The following NTN5 variants were observed in gnomAD, a reference collection of about 807,000 sequenced individuals.
NTN5 encodes netrin-5.
Under a neutral mutation model 38.7 loss-of-function variants are expected in NTN5, and 42 were observed. The ratio of observed to expected loss-of-function variants is 1.08; its 90% CI spans 0.85 to 1.40. The LOEUF is 1.40. Among genes scored for constraint, NTN5 ranks in the 40% most tolerant of loss-of-function variants. The pLI is 0.00. For synonymous variants in NTN5, 329 were observed against 303.9 expected (o/e 1.08, Z -0.86); for missense variants, 658 against 716.5 (o/e 0.92, Z 0.93).
intron 2 of NTN5, among the ~76,000 whole-genome samples, 153 bp from the exon 3 acceptor site, chr19:48,664,920 CT>C (rs1568450089): frequency 6.6e-6 from 1 of 150,560 alleles, no homozygotes; most frequent in African/African-American, 2.4e-5. Context: ...CTATTATTAT[CT>C]TTTTTTTTTG....
rs1282399154 is a variant in NTN5 at position 48,670,772 on chromosome 19, G to A, written c.215C>T (p.Pro72Leu). 2 of 1,612,964 alleles carry A rather than the reference G, an allele frequency of 1.2e-6. No homozygotes were observed. The highest frequency in any genetic ancestry group is 1.7e-6 in the Non-Finnish European group (2 of 1,179,934). Residue 72 changes from proline to leucine, a missense_variant, in exon 2 of 7, where the codon CCC (proline) becomes CTC (leucine). Transcript: ENST00000270235. ...CAAGCTGACAGATGTCAGGAGGAAG[G>A]GGCCACCCAGGGCCAAAGTCAGGCT... ...NGSLTLALGG[P>L]FLLTSVSLRF...
chr19:48,669,733 T>TCACCATCACCAC (rs2031869425), intron 2 of NTN5, among the ~76,000 whole-genome samples: 3 of 47,646 alleles, frequency 6.3e-5, no homozygotes, highest in Non-Finnish European at 1.1e-4. Flanking sequence ...ACCACCACCA[T>TCACCATCACCAC]CACCATCACC....
Position 48,669,832 on chromosome 19 carries a change from CACCATCACCACCACT to C in NTN5, c.631+509_631+523del, listed in dbSNP as rs1355173106. 5.4e-4 allele frequency among the ~76,000 whole-genome samples: 67 copies of C among 123,504 alleles called. 1 individual carries two copies. Among genetic ancestry groups the C allele is most frequent in the African/African-American group, 1.7e-3 (56 of 33,004 alleles). 81.0% of individuals were successfully genotyped at this position (123,504 alleles called of 152,430 possible). A position where few individuals can be genotyped will look rare whatever the true frequency, so the allele number is the denominator to read the frequency against. ...TCATCACCATCACCACCACCACCATCACCATCACCACCACTACCATCACCACCACCATCACCATCA... is the reference window on the plus strand; with the variant it reads ...TCATCACCATCACCACCACCACCATCACCATCACCACCACCATCACCATCA... On this transcript the variant is annotated intron_variant, in intron 2 of 6. Transcript: ENST00000270235.
intron 5 of NTN5, 101 bp downstream of exon 5, chr19:48,663,660 C>T: frequency 6.6e-7 from 1 of 1,512,120 alleles, no homozygotes; most frequent in Non-Finnish European, 9.2e-7. Flanking sequence ...ACCTTTGGGA[C>T]TGGGCTCAAT....
At position 48,670,490 on chromosome 19, in the gene NTN5, C is replaced by A; in HGVS notation, c.497G>T (p.Cys166Phe). ...RCQCHGHAARCAARARPPRCH... is the reference protein window; with the variant it reads ...RCQCHGHAARFAARARPPRCH... ...GCGGGGGGGCCGGGCACGGGCGGCA[C>A]AGCGGGCAGCGTGGCCATGACACTG... is the stretch of plus-strand genomic sequence containing the variant. Residue 166 changes from cysteine to phenylalanine, a missense_variant, in exon 2 of 7, where the codon TGT becomes TTT. Transcript: ENST00000270235. The A allele has an allele frequency of 6.8e-7, 1 of 1,478,386 alleles. No individual in the cohort carries two copies. The highest frequency in any genetic ancestry group is 9.0e-7 in the Non-Finnish European group (1 of 1,114,060). 91.6% of individuals were successfully genotyped at this position (1,478,386 alleles called of 1,614,324 possible). A position where few individuals can be genotyped will look rare whatever the true frequency, so the allele number is the denominator to read the frequency against.
chr19:48,669,861 CCATCACCAT>C (rs2031886854), intron 2 of NTN5, among the ~76,000 whole-genome samples: 1 of 118,292 alleles, frequency 8.5e-6, no homozygotes, highest in Admixed American at 8.1e-5. Context: ...ATCACCACCA[CCATCACCAT>C]CATCACCACT....
chr19:48,663,485 C>T lies in NTN5; in HGVS notation c.1083G>A (p.Arg361=), dbSNP rs2031603421. ...MSDTRVHMSL[R]RYCQQDHVLR... The stretch of plus-strand genomic sequence containing the variant: ...CACCATGGTCCTGCTGGCAGTACCT[C>T]CGAAGGCTCATGTGTACCCTGGTGT... The change falls in exon 6 of 7, where the codon CGG becomes CGA. Residue 361 remains arginine, a synonymous_variant. Transcript: ENST00000270235. 6.2e-7 allele frequency: 1 copy of T among 1,614,172 alleles called. No homozygotes were observed. The highest frequency in any genetic ancestry group is 8.5e-7 in the Non-Finnish European group (1 of 1,180,002).
rs1393029224 is a variant in NTN5, at chr19:48,671,715, G to C, written c.-20-709C>G. On this transcript the variant is annotated intron_variant, in intron 1 of 6. Transcript: ENST00000270235. ...GAGAGACCGAGGCCCAGGCCTGCAG[G>C]GATCAGAGCCATTGCCTTTCCCACA... Among the ~76,000 whole-genome samples, 4 of 152,194 alleles carry C rather than the reference G, an allele frequency of 2.6e-5. No individual in the cohort carries two copies. The East Asian group carries it at 5.8e-4, about 22-fold the overall frequency.
chr19:48,667,948 G>A (rs1436826746), intron 2 of NTN5, among the ~76,000 whole-genome samples: 2 of 152,232 alleles, frequency 1.3e-5, no homozygotes, highest in South Asian at 4.1e-4. Context: ...GTGTGTATAT[G>A]TCTGTGTCTG....
In NTN5 at chr19:48,669,136, TATCACCATCATCACCACC is replaced by T. The variant is rs776145530; in HGVS notation, c.631+1202_631+1219del. 2.4e-3 allele frequency among the ~76,000 whole-genome samples: 107 copies of T among 44,368 alleles called. 3 individuals carry two copies. The highest frequency in any genetic ancestry group is 3.1e-3 in the Non-Finnish European group (71 of 22,704). 29.1% of individuals were successfully genotyped at this position (44,368 alleles called of 152,430 possible). A position where few individuals can be genotyped will look rare whatever the true frequency, so the allele number is the denominator to read the frequency against. ...ATCATCACCACCACCACCATCATCA[TATCACCATCATCACCACC>T]ATCACCACCACCACCATCACCACCA... On this transcript the variant is annotated intron_variant, in intron 2 of 6. Coordinates refer to ENST00000270235, the MANE Select transcript of NTN5 (RefSeq NM_145807.4).
In NTN5 at chr19:48,664,752, T is replaced by A; in HGVS notation, c.647A>T (p.Gln216Leu). The change falls in exon 3 of 7, where the codon CAG becomes CTG. Residue 216 changes from glutamine (Q) to leucine (L), a missense_variant. By Grantham distance (113) the Gln-to-Leu change is moderately radical. Transcript: ENST00000270235. ...GTTGAACCGGCAGCGTCGGGCGTGCTGGTTGCAGGAGCAGGCTAGGAGCAA... is the reference window on the plus strand; with the variant it reads ...GTTGAACCGGCAGCGTCGGGCGTGCAGGTTGCAGGAGCAGGCTAGGAGCAA... ...PHPCLPCSCN[Q>L]HARRCRFNSE... 2 of 1,563,948 alleles carry A rather than the reference T, an allele frequency of 1.3e-6. No homozygotes were observed. The highest frequency in any genetic ancestry group is 1.7e-6 in the Non-Finnish European group (2 of 1,155,556).
At position 48,669,739 on chromosome 19, in the gene NTN5, TCAC is replaced by T. The variant is rs2031870137; in HGVS notation, c.631+614_631+616del. ...ATCACCACCACCACCACCATCACCATCACCACCACCATCACCATCGTCACCACT... is the reference window on the plus strand; with the variant it reads ...ATCACCACCACCACCACCATCACCATCACCACCATCACCATCGTCACCACT... On this transcript the variant is annotated intron_variant, in intron 2 of 6. Transcript: ENST00000270235. 1.4e-4 allele frequency among the ~76,000 whole-genome samples: 6 copies of T among 43,946 alleles called. 1 individual carries two copies. The highest frequency in any genetic ancestry group is 1.2e-3 in the East Asian group (1 of 842). 28.8% of individuals were successfully genotyped at this position (43,946 alleles called of 152,430 possible). A position where few individuals can be genotyped will look rare whatever the true frequency, so the allele number is the denominator to read the frequency against.
chr19:48,664,160 G>A lies in NTN5; in HGVS notation c.953C>T (p.Pro318Leu), dbSNP rs1379640631. The A allele has an allele frequency of 6.2e-7, 1 of 1,608,112 alleles. No individual in the cohort carries two copies. Among genetic ancestry groups the A allele is most frequent in the East Asian group, 2.2e-5 (1 of 44,646 alleles). Residue 318 changes from proline (P) to leucine (L), a missense_variant, in exon 4 of 7, where the codon CCC (proline) becomes CTC (leucine). Physicochemically the swap from Pro to Leu is moderately conservative, Grantham distance 98. Transcript: ENST00000270235. ...CGPGYQQSRS[P>L]RMPCQRIPEA... ...AGACTTACGCTGGCAGGGCATCCTG[G>A]GGGAGCGGCTCTGCTGGTAGCCAGG... is the stretch of plus-strand genomic sequence containing the variant.
intron 1 of NTN5, among the ~76,000 whole-genome samples, chr19:48,671,808 C>T (rs1314298131): frequency 6.6e-6 from 1 of 151,594 alleles, no homozygotes; most frequent in African/African-American, 2.4e-5. Flanking sequence ...ACCCAGCCTC[C>T]CTGCCACCCG....
In NTN5 at chr19:48,669,207, TCACCAC is replaced by T. The variant is rs1158545294; in HGVS notation, c.631+1143_631+1148del. ...ACCACCATCATCACCACCATCACCA[TCACCAC>T]CACCACCACCACGACCATCATCACC... is the stretch of plus-strand genomic sequence containing the variant. On this transcript the variant is annotated intron_variant, in intron 2 of 6. Transcript: ENST00000270235. 8.2e-4 allele frequency among the ~76,000 whole-genome samples: 7 copies of T among 8,494 alleles called. No homozygotes were observed. The African/African-American group carries it at 8.9e-3, about 11-fold the overall frequency. The allele number at this position is 8,494 out of a possible 152,430, so 5.6% of individuals were successfully genotyped here.
intron 2 of NTN5, among the ~76,000 whole-genome samples, chr19:48,669,162 CCACCACCAT>C (rs1473638610): frequency 8.5e-5 from 8 of 94,242 alleles, no homozygotes; most frequent in Non-Finnish European, 1.7e-4. Context: ...ACCATCACCA[CCACCACCAT>C]CACCACCATG....
intron 6 of NTN5, 38 bp downstream of exon 6, chr19:48,663,425 C>A: frequency 6.4e-7 from 1 of 1,574,462 alleles, no homozygotes; most frequent in South Asian, 1.1e-5. Context: ...TCAGAACCAG[C>A]TGTGTAGCCT....
In NTN5 at chr19:48,664,824, T is replaced by G. The variant is rs954878208; in HGVS notation, c.632-57A>C. 7.1e-6 allele frequency: 10 copies of G among 1,405,076 alleles called. No individual in the cohort carries two copies. The African/African-American group carries it at 1.0e-4, about 15-fold the overall frequency. The allele number at this position is 1,405,076 out of a possible 1,614,324, so 87.0% of individuals were successfully genotyped here. ...GGCCGAGTGTGCTGCTCCCCAGTCC[T>G]CAGCTTTCTTCCCATGGCCCTGCCC... On this transcript the variant is annotated intron_variant, in intron 2 of 6. Coordinates refer to ENST00000270235, the MANE Select transcript of NTN5 (RefSeq NM_145807.4).
At position 48,666,842 on chromosome 19, in the gene NTN5, C is replaced by T. The variant is rs533829253; in HGVS notation, c.632-2075G>A. Among the ~76,000 whole-genome samples the T allele has an allele frequency of 4.6e-5, 7 of 151,746 alleles. No homozygotes were observed. In the South Asian group the frequency reaches 1.5e-3, roughly 32 times the overall value. ...GGGTCCACAGGCATGCACCACCACA[C>T]CAGGCTACTTTAAAATTTTTTTTTT... On this transcript the variant is annotated intron_variant, in intron 2 of 6. Transcript: ENST00000270235.
Sources: allele counts gnomAD v4.1 joint callset (sites outside exome capture counted in the v4.1 genomes callset), GRCh38; gene constraint gnomAD v4.1.1; transcripts MANE v1.5; gene names NCBI Gene and HGNC (gene_info 2026-07-23, HGNC 2026-07-21).